The following HOMER1 variants were observed in gnomAD, a reference collection of about 807,000 sequenced individuals.
HOMER1 encodes homer scaffold protein 1.
A neutral mutation model predicts 48.9 loss-of-function variants in HOMER1; 3 were observed. That is an observed-to-expected ratio of 0.06 (90% confidence interval 0.03 to 0.16). The LOEUF (loss-of-function observed/expected upper bound fraction) is 0.16, where lower values mean the gene tolerates loss of function less well. Ranked by LOEUF, HOMER1 falls within the 10% of genes least tolerant of loss-of-function variation. The pLI, the probability that HOMER1 is intolerant of heterozygous loss-of-function variation, is 1.00. For synonymous variants in HOMER1, 134 were observed against 146.4 expected (o/e 0.92, Z 0.61); for missense variants, 247 against 411.4 (o/e 0.60, Z 3.46).
chr5:79,474,042 G>GA (rs1256499648), intron 1 of HOMER1, among the ~76,000 whole-genome samples: 1 of 151,436 alleles, frequency 6.6e-6, no homozygotes, highest in Non-Finnish European at 1.5e-5. Flanking sequence ...TTTTAAAAAA[G>GA]AAAAAAATAG....
intron 5 of HOMER1, among the ~76,000 whole-genome samples, chr5:79,411,087 G>C (rs1749802618): frequency 6.6e-6 from 1 of 152,200 alleles, no homozygotes; most frequent in Non-Finnish European, 1.5e-5. Context: ...AAATGGACCA[G>C]CTGGTTTCCT....
chr5:79,399,838 T>TG (rs1463960142), intron 6 of HOMER1, among the ~76,000 whole-genome samples: 2 of 152,170 alleles, frequency 1.3e-5, no homozygotes, highest in African/African-American at 2.4e-5. Flanking sequence ...GCAGTACACT[T>TG]GGAGTACAAA....
At chr5:79,486,758 C>T (rs959835414) in intron 1 of HOMER1, among the ~76,000 whole-genome samples, 1 of 152,106 alleles carries the variant, frequency 6.6e-6, no homozygotes, top group South Asian at 2.1e-4. Flanking sequence ...GCCAGATAAA[C>T]CCCAGGTTAT....
Position 79,434,038 on chromosome 5 carries a change from A to T in HOMER1, c.527+4972T>A, listed in dbSNP as rs59715413. Among the ~76,000 whole-genome samples the T allele has an allele frequency of 2.6e-5, 4 of 152,300 alleles. No homozygotes were observed. In the East Asian group the frequency reaches 7.7e-4, roughly 29 times the overall value. Reference sequence around the variant, plus strand: ...CGTTATCTAAACATTAGAAGAATCTAAATATAACCAGTGTTTAAAAGAGCC... The same window carrying T: ...CGTTATCTAAACATTAGAAGAATCTTAATATAACCAGTGTTTAAAAGAGCC... On this transcript the variant is annotated intron_variant, in intron 5 of 8. Transcript: ENST00000334082.
chr5:79,449,322 A>G (rs761878890), intron 3 of HOMER1, among the ~76,000 whole-genome samples: 3 of 152,250 alleles, frequency 2.0e-5, no homozygotes, highest in Non-Finnish European at 4.4e-5. Context: ...TAATTTCTCA[A>G]CAGAACTGTT....
chr5:79,427,164 A>G (rs1750280705), intron 5 of HOMER1, among the ~76,000 whole-genome samples: 1 of 152,190 alleles, frequency 6.6e-6, no homozygotes, highest in African/African-American at 2.4e-5. Flanking sequence ...ACAAGTATTG[A>G]CCATATAATT....
chr5:79,393,341 A>G (rs991689335), intron 8 of HOMER1, among the ~76,000 whole-genome samples: 2 of 152,164 alleles, frequency 1.3e-5, no homozygotes. Flanking sequence ...GGGAAGTCAG[A>G]GAAATTAACA....
chr5:79,379,516 C>T (rs542233797), intron 8 of HOMER1, among the ~76,000 whole-genome samples: 2 of 127,332 alleles, frequency 1.6e-5, no homozygotes, highest in African/African-American at 3.3e-5. Flanking sequence ...ATTTATATTA[C>T]AGACAGAGAA....
At chr5:79,460,755 G>A (rs772600133) in intron 1 of HOMER1, among the ~76,000 whole-genome samples, 3 of 152,042 alleles carry the variant, frequency 2.0e-5, no homozygotes, top group East Asian at 1.9e-4. Flanking sequence ...ATCCAGGAAC[G>A]CCGCTAAACA....
intron 5 of HOMER1, among the ~76,000 whole-genome samples, chr5:79,427,491 C>T (rs1469062971): frequency 1.3e-5 from 2 of 152,108 alleles, no homozygotes; most frequent in Non-Finnish European, 1.5e-5. Context: ...CAGGTTCAAG[C>T]GATTCTCATG....
At chr5:79,397,380 C>A in intron 7 of HOMER1, 147 bp downstream of exon 7, 1 of 631,296 alleles carries the variant, frequency 1.6e-6, no homozygotes, top group Non-Finnish European at 2.8e-6. Flanking sequence ...TATGAGCAAG[C>A]TTAATACCAC....
chr5:79,506,067 T>A (rs1451392321), intron 1 of HOMER1, among the ~76,000 whole-genome samples: 2 of 152,070 alleles, frequency 1.3e-5, no homozygotes, highest in Admixed American at 1.3e-4. Context: ...TAATTCTAAA[T>A]TGTACTTACC....
At chr5:79,464,669 A>C (rs1394072545) in intron 1 of HOMER1, among the ~76,000 whole-genome samples, 1 of 152,182 alleles carries the variant, frequency 6.6e-6, no homozygotes, top group Non-Finnish European at 1.5e-5. Flanking sequence ...TCTCTTTCTC[A>C]TACATATATC....
chr5:79,387,958 A>G (rs1749158857), intron 8 of HOMER1, among the ~76,000 whole-genome samples: 2 of 152,244 alleles, frequency 1.3e-5, no homozygotes, highest in Non-Finnish European at 2.9e-5. Context: ...AATTTCCAGC[A>G]GAGGTATTTC....
In HOMER1 at chr5:79,513,427, G is replaced by C. The variant is rs1445746716; in HGVS notation, c.-653C>G. ...TTCTCCTCCTAAGACTCGGAGCAGA[G>C]AAGAGGTGGGGAGGACGAAGAGAAG... On this transcript the variant is annotated 5_prime_UTR_variant, in exon 1 of 9. Transcript: ENST00000334082. 6.5e-6 allele frequency: 1 copy of C among 152,694 alleles called. No homozygotes were observed. Among genetic ancestry groups the C allele is most frequent in the African/African-American group, 2.4e-5 (1 of 41,478 alleles). The allele number at this position is 152,694 out of a possible 1,614,324, so 9.5% of individuals were successfully genotyped here.
intron 1 of HOMER1, among the ~76,000 whole-genome samples, chr5:79,473,497 T>G (rs558840337): frequency 6.6e-6 from 1 of 152,338 alleles, no homozygotes; most frequent in South Asian, 2.1e-4. Context: ...ATATTAATAT[T>G]AGAACTCCAA....
Position 79,446,881 on chromosome 5 carries a change from C to T in HOMER1, c.387+172G>A, listed in dbSNP as rs185206823. Among the ~76,000 whole-genome samples the T allele has an allele frequency of 1.6e-4, 24 of 149,968 alleles. No individual in the cohort carries two copies. In the East Asian group the frequency reaches 4.7e-3, roughly 29 times the overall value. Reference sequence around the variant, plus strand: ...GTTGCTCAGGCTAGTCTTGAAATCCCGGGCTCAAGTAATCCTCCCACCTAA... The same window carrying T: ...GTTGCTCAGGCTAGTCTTGAAATCCTGGGCTCAAGTAATCCTCCCACCTAA... On this transcript the variant is annotated intron_variant, in intron 4 of 8. Transcript: ENST00000334082.
intron 5 of HOMER1, among the ~76,000 whole-genome samples, chr5:79,417,438 G>A (rs921673118): frequency 2.0e-5 from 3 of 152,102 alleles, no homozygotes; most frequent in Non-Finnish European, 4.4e-5. Context: ...CACCGCACCC[G>A]GCCGATTTCC....
At chr5:79,506,245 A>T (rs982648427) in intron 1 of HOMER1, among the ~76,000 whole-genome samples, 3 of 152,252 alleles carry the variant, frequency 2.0e-5, no homozygotes, top group East Asian at 1.9e-4. Flanking sequence ...ACAAGATTTT[A>T]AAAAATCCAA....
Sources: gnomAD v4.1 joint callset for allele counts (sites outside exome capture counted in the v4.1 genomes callset) on GRCh38, gnomAD v4.1.1 for gene constraint, MANE v1.5 for transcripts, NCBI Gene and HGNC (gene_info 2026-07-23, HGNC 2026-07-21) for gene names.